Variants in ATG10 observed in about 807,000 individuals in gnomAD.
ATG10 encodes ubiquitin-like-conjugating enzyme ATG10.
A neutral mutation model predicts 32.1 loss-of-function variants in ATG10; 30 were observed. The ratio of observed to expected loss-of-function variants is 0.94; its 90% CI spans 0.70 to 1.27. The LOEUF (loss-of-function observed/expected upper bound fraction) is 1.27, where lower values mean the gene tolerates loss of function less well. ATG10 is among the 50% of genes most tolerant of loss of function. The pLI is 0.00. For synonymous variants in ATG10, 87 were observed against 91.5 expected (o/e 0.95, Z 0.28); for missense variants, 233 against 262.3 (o/e 0.89, Z 0.77).
chr5:82,191,877 T>C (rs1413579696), intron 5 of ATG10, among the ~76,000 whole-genome samples: 2 of 152,170 alleles, frequency 1.3e-5, no homozygotes, highest in Non-Finnish European at 2.9e-5. Context: ...GTAATAGCTG[T>C]AGTGGATTAA....
chr5:81,991,111 C>G (rs952325640), intron 2 of ATG10, among the ~76,000 whole-genome samples: 1 of 152,174 alleles, frequency 6.6e-6, no homozygotes, highest in African/African-American at 2.4e-5. Flanking sequence ...AAAGCAGATT[C>G]CTGTGTTCTC....
chr5:82,195,050 T>C (rs1322594118), intron 5 of ATG10, among the ~76,000 whole-genome samples: 1 of 152,186 alleles, frequency 6.6e-6, no homozygotes, highest in African/African-American at 2.4e-5. Flanking sequence ...CTTTCACTCT[T>C]GTCTCATTGT....
intron 3 of ATG10, among the ~76,000 whole-genome samples, chr5:82,125,001 A>T (rs998661241): frequency 6.6e-6 from 1 of 152,184 alleles, no homozygotes; most frequent in African/African-American, 2.4e-5. Flanking sequence ...ATGAGATGGT[A>T]TCTCATTGTG....
chr5:82,207,275 C>T (rs1212216104), intron 5 of ATG10, among the ~76,000 whole-genome samples: 1 of 152,164 alleles, frequency 6.6e-6, no homozygotes, highest in Non-Finnish European at 1.5e-5. Flanking sequence ...TATAAATTCC[C>T]ATCAGCAGTG....
chr5:82,037,062 C>T (rs192754869), intron 2 of ATG10, among the ~76,000 whole-genome samples: 10 of 124,938 alleles, frequency 8.0e-5, no homozygotes, highest in African/African-American at 1.3e-4. Flanking sequence ...ACCAGGGAGT[C>T]GGAGGTTCCA....
Position 82,178,589 on chromosome 5 carries a change from T to A in ATG10, c.453+2T>A. The A allele has an allele frequency of 6.3e-7, 1 of 1,583,770 alleles. No individual in the cohort carries two copies. The highest frequency in any genetic ancestry group is 1.3e-5 in the African/African-American group (1 of 74,250). On this transcript the variant is annotated splice_donor_variant, in intron 5 of 7. Coordinates refer to ENST00000282185, the MANE Select transcript of ATG10 (RefSeq NM_031482.5). LOFTEE classifies it high-confidence loss of function. ...CCATGGGACACTATTACGCAACAGGTTGGAGAGTATTGTCATTTTATTGTA... is the reference window on the plus strand; with the variant it reads ...CCATGGGACACTATTACGCAACAGGATGGAGAGTATTGTCATTTTATTGTA...
chr5:82,015,384 G>T (rs908872419), intron 2 of ATG10, among the ~76,000 whole-genome samples: 1 of 152,180 alleles, frequency 6.6e-6, no homozygotes, highest in African/African-American at 2.4e-5. Flanking sequence ...GCCTTGCTAG[G>T]TTGGGGAAGT....
intron 5 of ATG10, among the ~76,000 whole-genome samples, chr5:82,223,839 A>C (rs527813695): frequency 6.6e-6 from 1 of 152,168 alleles, no homozygotes; most frequent in East Asian, 1.9e-4. Flanking sequence ...AGAATGAGAG[A>C]GAGAGGCTTG....
intron 3 of ATG10, among the ~76,000 whole-genome samples, chr5:82,139,630 G>C (rs771911667): frequency 0.073 from 9,887 of 135,080 alleles, 141 homozygotes; most frequent in African/African-American, 0.16. Context: ...GGGAAGTGAG[G>C]AGCGTCTCCG....
chr5:82,122,694 C>T (rs1472707524), intron 3 of ATG10, among the ~76,000 whole-genome samples: 1 of 152,094 alleles, frequency 6.6e-6, no homozygotes, highest in Admixed American at 6.5e-5. Flanking sequence ...AAAAAGTGGG[C>T]AAAGGACATG....
chr5:82,024,027 A>G (rs1273193348), intron 2 of ATG10, among the ~76,000 whole-genome samples: 1 of 152,270 alleles, frequency 6.6e-6, no homozygotes, highest in Non-Finnish European at 1.5e-5. Flanking sequence ...ACCAAGAACC[A>G]GAATAGGGGT....
chr5:82,208,176 C>T (rs908252283), intron 5 of ATG10, among the ~76,000 whole-genome samples: 2 of 152,152 alleles, frequency 1.3e-5, no homozygotes, highest in African/African-American at 4.8e-5. Context: ...TCAGTTGTTT[C>T]CTTGTGTCAA....
At chr5:82,104,358 G>A (rs1278587716) in intron 3 of ATG10, among the ~76,000 whole-genome samples, 1 of 151,986 alleles carries the variant, frequency 6.6e-6, no homozygotes, top group East Asian at 1.9e-4. Context: ...GAATGAAGTA[G>A]GTGAACTCCA....
At chr5:82,086,251 A>G (rs966765650) in intron 3 of ATG10, among the ~76,000 whole-genome samples, 1 of 152,220 alleles carries the variant, frequency 6.6e-6, no homozygotes, top group Non-Finnish European at 1.5e-5. Context: ...TTAATAAACA[A>G]TTGAGTGGAT....
chr5:82,054,538 T>C lies in ATG10; in HGVS notation c.109-3957T>C, dbSNP rs527757893. Among the ~76,000 whole-genome samples the C allele has an allele frequency of 2.6e-5, 4 of 152,320 alleles. No homozygotes were observed. In the East Asian group the frequency reaches 7.7e-4, roughly 29 times the overall value. ...CTGCTCTCTTGCAGAATTTGCTTAG[T>C]GTACTACAAAGAATACTCAGGTCAA... On this transcript the variant is annotated intron_variant, in intron 2 of 7. Coordinates refer to ENST00000282185, the MANE Select transcript of ATG10 (RefSeq NM_031482.5).
intron 2 of ATG10, among the ~76,000 whole-genome samples, chr5:82,029,320 A>G (rs1445368886): frequency 1.2e-4 from 14 of 115,464 alleles, no homozygotes; most frequent in Non-Finnish European, 2.8e-4. Context: ...ATTATACAAT[A>G]TAAAGAAAAT....
chr5:82,002,581 G>A (rs1206689630), intron 2 of ATG10, among the ~76,000 whole-genome samples: 2 of 152,136 alleles, frequency 1.3e-5, no homozygotes, highest in Non-Finnish European at 1.5e-5. Context: ...TTATAAGTAG[G>A]GGCTAAACAT....
intron 4 of ATG10, among the ~76,000 whole-genome samples, chr5:82,167,065 C>G (rs12517271): frequency 6.6e-6 from 1 of 152,036 alleles, no homozygotes; most frequent in East Asian, 1.9e-4. Context: ...CTCTGGTTCT[C>G]GAAATGCAAA....
At chr5:82,085,251 G>T (rs559332644) in intron 3 of ATG10, among the ~76,000 whole-genome samples, 3 of 152,026 alleles carry the variant, frequency 2.0e-5, no homozygotes, top group Non-Finnish European at 4.4e-5. Flanking sequence ...TTACTTAATG[G>T]TAAAGGGATC....
Sources: allele counts gnomAD v4.1 joint callset (sites outside exome capture counted in the v4.1 genomes callset), GRCh38; gene constraint gnomAD v4.1.1; transcripts MANE v1.5; gene names NCBI Gene and HGNC (gene_info 2026-07-23, HGNC 2026-07-21).